Variants in NFIX observed in about 807,000 individuals in gnomAD.
The protein encoded by NFIX is nuclear factor I X.
NFIX carries 2 observed loss-of-function variants against 53.3 expected under a neutral mutation model. The ratio of observed to expected loss-of-function variants is 0.04; its 90% CI spans 0.02 to 0.12. The LOEUF (loss-of-function observed/expected upper bound fraction) is 0.12. Among genes scored for constraint, NFIX ranks in the 10% least tolerant of loss-of-function variants. NFIX has a pLI of 1.00. For missense variants in NFIX, 310 were observed against 674.5 expected (o/e 0.46, Z 5.99); for synonymous variants, 244 against 289.0 (o/e 0.84, Z 1.58).
rs2014241192 is a variant in NFIX, at chr19:13,036,931, G to A, written c.559+11379G>A. ...GACATCATTGTTTCCTTAGTAACAGGAATGCTCCCGGGGGACCAAGTGAAG... is the reference window on the plus strand; with the variant it reads ...GACATCATTGTTTCCTTAGTAACAGAAATGCTCCCGGGGGACCAAGTGAAG... On this transcript the variant is annotated intron_variant, in intron 2 of 10. Coordinates refer to ENST00000592199, the MANE Select transcript of NFIX (RefSeq NM_001365902.3). The surrounding 1 kb of genome is among the most constrained non-coding windows in gnomAD (Gnocchi z 4.7). Among the ~76,000 whole-genome samples the A allele has an allele frequency of 6.6e-6, 1 of 152,166 alleles. No individual in the cohort carries two copies. The highest frequency in any genetic ancestry group is 2.1e-4 in the South Asian group (1 of 4,828).
chr19:13,010,568 C>T (rs1185111404), intron 1 of NFIX, among the ~76,000 whole-genome samples: 1 of 152,248 alleles, frequency 6.6e-6, no homozygotes, highest in Non-Finnish European at 1.5e-5. Context: ...ATGCCCCTAT[C>T]GGGCACCACA....
rs1379077227 is a variant in NFIX at position 13,009,133 on chromosome 19, G to A, written c.27+13269G>A. 6.6e-6 allele frequency among the ~76,000 whole-genome samples: 1 copy of A among 152,110 alleles called. No homozygotes were observed. The highest frequency in any genetic ancestry group is 1.5e-5 in the Non-Finnish European group (1 of 68,012). On this transcript the variant is annotated intron_variant, in intron 1 of 10. Coordinates refer to ENST00000592199, the MANE Select transcript of NFIX (RefSeq NM_001365902.3). This position sits in a 1 kb window ranked among gnomAD's most constrained non-coding sequence, Gnocchi z 4.7. The stretch of plus-strand genomic sequence containing the variant: ...CCGCCGCACACCGGCACAATCTGTC[G>A]TCCACGCACAGTCTCACACACAACC...
chr19:13,039,277 C>T (rs906759125), intron 2 of NFIX, among the ~76,000 whole-genome samples: 1 of 151,388 alleles, frequency 6.6e-6, no homozygotes, highest in Admixed American at 6.6e-5. Context: ...CTGTTCAAGC[C>T]CTGCTGCTGC....
intron 2 of NFIX, among the ~76,000 whole-genome samples, chr19:13,071,836 C>G (rs1424193423): frequency 2.0e-5 from 3 of 152,142 alleles, no homozygotes; most frequent in Non-Finnish European, 4.4e-5. Flanking sequence ...CTGCATCCTG[C>G]CCTCCAGCCC....
intron 2 of NFIX, among the ~76,000 whole-genome samples, chr19:13,059,777 CTTTTTTTTTTTT>C (rs35128120): frequency 0.046 from 2,811 of 60,628 alleles, 144 homozygotes; most frequent in African/African-American, 0.17. Flanking sequence ...AATTAGAATT[CTTTTTTTTTTTT>C]TTTTTTTTTT....
chr19:13,091,035 C>T (rs2018107488), intron 10 of NFIX, among the ~76,000 whole-genome samples: 2 of 152,286 alleles, frequency 1.3e-5, no homozygotes, highest in South Asian at 4.1e-4. Context: ...GGGCATAAGA[C>T]TACTCTTAGC....
chr19:13,035,011 C>T (rs1568278698), intron 2 of NFIX, among the ~76,000 whole-genome samples: 1 of 152,162 alleles, frequency 6.6e-6, no homozygotes, highest in Non-Finnish European at 1.5e-5. Flanking sequence ...CTGGCCTTGA[C>T]CCGCTAGAAA....
Position 13,067,485 on chromosome 19 carries a change from T to TGTGTGC in NFIX, c.560-5557_560-5556insCGTGTG, listed in dbSNP as rs934100973. On this transcript the variant is annotated intron_variant, in intron 2 of 10. Transcript: ENST00000592199. This position sits in a 1 kb window ranked among gnomAD's most constrained non-coding sequence, Gnocchi z 4.2. ...GCGCGTGTGTGTGTGTGTGTGTGCG[T>TGTGTGC]GTGTGTGTGTGTGTGTGTGTATGTG... Among the ~76,000 whole-genome samples the TGTGTGC allele has an allele frequency of 7.5e-5, 2 of 26,648 alleles. No homozygotes were observed. The highest frequency in any genetic ancestry group is 9.0e-4 in the African/African-American group (2 of 2,218). The allele number at this position is 26,648 out of a possible 152,430, so 17.5% of individuals were successfully genotyped here.
Position 13,073,945 on chromosome 19 carries a change from C to G in NFIX, c.737C>G (p.Ala246Gly). The G allele has an allele frequency of 1.2e-6, 2 of 1,613,984 alleles. No homozygotes were observed. The highest frequency in any genetic ancestry group is 1.7e-6 in the Non-Finnish European group (2 of 1,179,874). The change falls in exon 5 of 11, where the codon GCG (alanine) becomes GGG (glycine). Residue 246 changes from alanine to glycine, a missense_variant. Physicochemically the swap from Ala to Gly is moderately conservative, Grantham distance 60. Coordinates refer to ENST00000592199, the MANE Select transcript of NFIX (RefSeq NM_001365902.3). The surrounding 1 kb of genome is among the most constrained non-coding windows in gnomAD (Gnocchi z 4.5). Reference sequence around the variant, plus strand: ...GCATCAGGGCCCAACTTCTCCCTGGCGGACCTGGAGAGTCCCAGCTACTAC... The same window carrying G: ...GCATCAGGGCCCAACTTCTCCCTGGGGGACCTGGAGAGTCCCAGCTACTAC... Reference protein sequence around the residue: ...ATASGPNFSLADLESPSYYNI... With the variant: ...ATASGPNFSLGDLESPSYYNI...
intron 1 of NFIX, among the ~76,000 whole-genome samples, chr19:12,999,652 C>T (rs148323747): frequency 4.6e-5 from 7 of 152,368 alleles, no homozygotes; most frequent in Admixed American, 2.6e-4. Flanking sequence ...CAGCGACCTA[C>T]GCCCATTTTC....
intron 2 of NFIX, among the ~76,000 whole-genome samples, chr19:13,038,362 C>T (rs1032258342): frequency 1.3e-5 from 2 of 152,170 alleles, no homozygotes; most frequent in Admixed American, 1.3e-4. Context: ...TAGACCTGAA[C>T]AGGCCACTGC....
In NFIX at chr19:13,081,901, C is replaced by T. The variant is rs771812636; in HGVS notation, c.1254+46C>T. On this transcript the variant is annotated intron_variant, in intron 8 of 10. Transcript: ENST00000592199. The surrounding 1 kb of genome is among the most constrained non-coding windows in gnomAD (Gnocchi z 4.7). ...GAGCCCGGCTACAGCCTCATCTCCA[C>T]ATCTATCTGTCTGTCTCAGGGCTCA... 20 of 1,602,466 alleles carry T rather than the reference C, an allele frequency of 1.2e-5. No homozygotes were observed. The Admixed American group carries it at 2.9e-4, about 23-fold the overall frequency.
Position 13,081,972 on chromosome 19 carries a change from G to GC in NFIX, c.1254+118dup, listed in dbSNP as rs1397378721. On this transcript the variant is annotated intron_variant, in intron 8 of 10. Coordinates refer to ENST00000592199, the MANE Select transcript of NFIX (RefSeq NM_001365902.3). The surrounding 1 kb of genome is among the most constrained non-coding windows in gnomAD (Gnocchi z 4.7). ...CAGGAGCCCACCTGGGGCTGGAGCA[G>GC]CAGGGAGCTGGTAGTACCAAACGCC... 8.0e-7 allele frequency: 1 copy of GC among 1,245,754 alleles called. No homozygotes were observed. The highest frequency in any genetic ancestry group is 2.5e-5 in the East Asian group (1 of 39,690). 77.2% of individuals were successfully genotyped at this position (1,245,754 alleles called of 1,614,324 possible).
chr19:13,055,978 C>T (rs1356300864), intron 2 of NFIX, among the ~76,000 whole-genome samples: 1 of 152,178 alleles, frequency 6.6e-6, no homozygotes, highest in East Asian at 1.9e-4. Context: ...GTTCCCTGTG[C>T]GTGTGAGTGG....
Position 13,060,863 on chromosome 19 carries a change from G to A in NFIX, c.560-12184G>A, listed in dbSNP as rs982754673. On this transcript the variant is annotated intron_variant, in intron 2 of 10. Transcript: ENST00000592199. The surrounding 1 kb of genome is among the most constrained non-coding windows in gnomAD (Gnocchi z 4.3). ...TGCCCGCCCGGCTGCTGCCGCCACT[G>A]CAGAGGGCGCTGATTTTTTTTTTCT... 1.9e-4 allele frequency among the ~76,000 whole-genome samples: 29 copies of A among 152,164 alleles called. No individual in the cohort carries two copies. The highest frequency in any genetic ancestry group is 6.5e-4 in the African/African-American group (27 of 41,432).
At chr19:13,041,984 G>C (rs939034721) in intron 2 of NFIX, among the ~76,000 whole-genome samples, 2 of 150,954 alleles carry the variant, frequency 1.3e-5, no homozygotes, top group Admixed American at 6.6e-5. Context: ...TGCAAGTTCC[G>C]CCTCCCAGAT....
chr19:13,033,763 T>C (rs909126372), intron 2 of NFIX, among the ~76,000 whole-genome samples: 1 of 152,390 alleles, frequency 6.6e-6, no homozygotes, highest in East Asian at 1.9e-4. Context: ...TGGGTGTGTG[T>C]GCACTCAGGT....
Position 13,040,030 on chromosome 19 carries a change from C to T in NFIX, c.559+14478C>T, listed in dbSNP as rs1192495279. On this transcript the variant is annotated intron_variant, in intron 2 of 10. Coordinates refer to ENST00000592199, the MANE Select transcript of NFIX (RefSeq NM_001365902.3). The surrounding 1 kb of genome is among the most constrained non-coding windows in gnomAD (Gnocchi z 4.2). The stretch of plus-strand genomic sequence containing the variant: ...CCTGACAGAGGAGGGGCAGTGGAAG[C>T]TTCCAGAATGCTGGAAGGAGTGTGG... Among the ~76,000 whole-genome samples, 1 of 152,144 alleles carries T rather than the reference C, an allele frequency of 6.6e-6. No homozygotes were observed. Among genetic ancestry groups the T allele is most frequent in the African/African-American group, 2.4e-5 (1 of 41,430 alleles).
At position 13,096,727 on chromosome 19, in the gene NFIX, TCCCTCGACGACAGTCG is replaced by T. The variant is rs1386762874; in HGVS notation, c.*2079_*2094del. ...CTCCCTGTCCGGCCCACGTGCCCTT[TCCCTCGACGACAGTCG>T]AGGGCTCGGGCTCTGTGGGACTGTG... is the stretch of plus-strand genomic sequence containing the variant. On this transcript the variant is annotated 3_prime_UTR_variant, in exon 11 of 11. Transcript: ENST00000592199. 6.6e-6 allele frequency: 1 copy of T among 152,330 alleles called. No homozygotes were observed. Among genetic ancestry groups the T allele is most frequent in the African/African-American group, 2.4e-5 (1 of 41,394 alleles). 9.4% of individuals were successfully genotyped at this position (152,330 alleles called of 1,614,324 possible). A position where few individuals can be genotyped will look rare whatever the true frequency, so the allele number is the denominator to read the frequency against.
Sources: gnomAD v4.1 joint callset for allele counts (sites outside exome capture counted in the v4.1 genomes callset) on GRCh38, gnomAD v4.1.1 for gene constraint, Gnocchi (gnomAD v3.1) non-coding constraint, MANE v1.5 for transcripts, NCBI Gene and HGNC (gene_info 2026-07-23, HGNC 2026-07-21) for gene names.